PCDH15: variants seen among roughly 807,000 people sequenced by gnomAD.
PCDH15 encodes the protein protocadherin-15.
Under a neutral mutation model 178.5 loss-of-function variants are expected in PCDH15, and 129 were observed. The ratio of observed to expected loss-of-function variants is 0.72; its 90% confidence interval spans 0.63 to 0.84. The LOEUF is 0.84. Ranked by LOEUF, PCDH15 falls within the 40% of genes least tolerant of loss-of-function variation. The pLI is 0.00. For synonymous variants in PCDH15, 800 were observed against 732.0 expected (o/e 1.09, Z -1.50); for missense variants, 2,230 against 2,099.9 (o/e 1.06, Z -1.21).
At chr10:54,033,344 A>G (rs1911392) in intron 18 of PCDH15, among the ~76,000 whole-genome samples, 116,360 of 151,692 alleles carry the variant, frequency 0.77, 44,865 homozygotes, top group Middle Eastern at 0.86. Flanking sequence ...ATTTATGTAT[A>G]TATATTATCC....
intron 8 of PCDH15, among the ~76,000 whole-genome samples, chr10:54,278,463 T>G (rs2058473172): frequency 6.6e-6 from 1 of 151,640 alleles, no homozygotes; most frequent in Non-Finnish European, 1.5e-5. Flanking sequence ...TTTAAAGAAC[T>G]TCCTCCAAGT....
intron 2 of PCDH15, among the ~76,000 whole-genome samples, chr10:55,009,694 G>T (rs995452932): frequency 2.2e-4 from 33 of 152,128 alleles, no homozygotes; most frequent in Middle Eastern, 3.4e-3. Flanking sequence ...AAAAGAAATA[G>T]CTATATTACT....
At chr10:53,869,275 A>G (rs1264289106) in intron 26 of PCDH15, among the ~76,000 whole-genome samples, 1 of 152,176 alleles carries the variant, frequency 6.6e-6, no homozygotes, top group Non-Finnish European at 1.5e-5. Context: ...TGAACAAAGA[A>G]AGAAAAACAG....
At chr10:54,205,481 T>TTGTGTGTG (rs71461223) in intron 10 of PCDH15, among the ~76,000 whole-genome samples, 15,889 of 135,018 alleles carry the variant, frequency 0.12, 1,022 homozygotes, top group South Asian at 0.19. Flanking sequence ...TATATTTCCT[T>TTGTGTGTG]TGTGTGTGTG....
intron 1 of PCDH15, among the ~76,000 whole-genome samples, chr10:54,749,650 A>C (rs1945936732): frequency 6.6e-6 from 1 of 152,186 alleles, no homozygotes; most frequent in South Asian, 2.1e-4. Context: ...TTGAAAAAAG[A>C]AATACTCCAG....
intron 6 of PCDH15, among the ~76,000 whole-genome samples, chr10:54,341,423 G>T (rs1461489575): frequency 1.3e-5 from 2 of 152,118 alleles, no homozygotes; most frequent in Non-Finnish European, 1.5e-5. Context: ...TTCACCTTCT[G>T]CCATGATTGT....
At chr10:54,304,644 T>A (rs1179821563) in intron 8 of PCDH15, among the ~76,000 whole-genome samples, 1 of 152,214 alleles carries the variant, frequency 6.6e-6, no homozygotes, top group East Asian at 1.9e-4. Context: ...GTCACTGGAA[T>A]ATTTTAAGCA....
chr10:55,002,339 A>C, intron 2 of PCDH15, among the ~76,000 whole-genome samples: 1 of 152,342 alleles, frequency 6.6e-6, no homozygotes, highest in Admixed American at 6.5e-5. Flanking sequence ...CTGAATTTCC[A>C]AAAACAATAT....
chr10:53,898,272 T>C (rs1281469359), intron 26 of PCDH15, among the ~76,000 whole-genome samples: 1 of 152,142 alleles, frequency 6.6e-6, no homozygotes, highest in Non-Finnish European at 1.5e-5. Flanking sequence ...CGGCCCCATA[T>C]GGGTTGTTTC....
intron 28 of PCDH15, among the ~76,000 whole-genome samples, chr10:53,853,474 G>GA (rs1349055459): frequency 6.6e-6 from 1 of 152,058 alleles, no homozygotes; most frequent in Non-Finnish European, 1.5e-5. Context: ...TCATCAGGGT[G>GA]AAAAGGCAAC....
At position 54,195,843 on chromosome 10, in the gene PCDH15, T is replaced by C. The variant is rs2049564166; in HGVS notation, c.1145A>G (p.His382Arg). The C allele has an allele frequency of 1.1e-5, 17 of 1,613,946 alleles. No homozygotes were observed. The highest frequency in any genetic ancestry group is 1.4e-5 in the Non-Finnish European group (16 of 1,179,964). ...ATTGTTTTCATCCAGTATTTCAATG[T>C]GTAGACCGGCAAAGGCAGGAAGAGG... ...GHPLPAFAGL[H>R]IEILDENNQS... Residue 382 changes from histidine (H) to arginine (R), a missense_variant, in exon 11 of 38, where the codon CAC (histidine) becomes CGC (arginine). His to Arg is a conservative substitution (Grantham distance 29). Transcript: ENST00000644397.
intron 25 of PCDH15, among the ~76,000 whole-genome samples, chr10:53,925,208 ACACT>A (rs1459694548): frequency 6.6e-6 from 1 of 152,104 alleles, no homozygotes; most frequent in Non-Finnish European, 1.5e-5. Flanking sequence ...ATGAACTGTA[ACACT>A]CACCGCGAAG....
chr10:55,414,661 G>A (rs912906277), intron 2 of PCDH15, among the ~76,000 whole-genome samples: 3 of 151,232 alleles, frequency 2.0e-5, no homozygotes, highest in Non-Finnish European at 3.0e-5. Flanking sequence ...TTGTTTTACT[G>A]ATTTCATTTT....
chr10:55,609,622 G>T, intron 2 of PCDH15, among the ~76,000 whole-genome samples: 1 of 152,020 alleles, frequency 6.6e-6, no homozygotes, highest in East Asian at 1.9e-4. Flanking sequence ...TCAAGTTCAT[G>T]TACACTGTCC....
At chr10:55,028,348 A>C (rs1407953400) in intron 2 of PCDH15, among the ~76,000 whole-genome samples, 1 of 151,916 alleles carries the variant, frequency 6.6e-6, no homozygotes, top group Non-Finnish European at 1.5e-5. Context: ...AAAATTTCAA[A>C]GGATGAATGA....
chr10:55,312,969 G>A (rs1483889035), intron 1 of PCDH15, among the ~76,000 whole-genome samples: 3 of 152,106 alleles, frequency 2.0e-5, no homozygotes, highest in African/African-American at 2.4e-5. Flanking sequence ...GCTGTATTTA[G>A]CACAGAACTA....
At chr10:55,210,366 T>A (rs1335735596) in intron 1 of PCDH15, among the ~76,000 whole-genome samples, 6 of 151,906 alleles carry the variant, frequency 3.9e-5, no homozygotes, top group Non-Finnish European at 8.8e-5. Flanking sequence ...GTAAAATGAA[T>A]ACATATGTTA....
chr10:54,376,071 C>T (rs1935466), intron 4 of PCDH15, among the ~76,000 whole-genome samples: 126,320 of 150,590 alleles, frequency 0.84, 53,377 homozygotes, highest in East Asian at 0.99. Flanking sequence ...AAGTTTTGGA[C>T]TTTAGTACAG....
At chr10:54,892,305 A>T (rs1025545711) in intron 3 of PCDH15, among the ~76,000 whole-genome samples, 1 of 152,154 alleles carries the variant, frequency 6.6e-6, no homozygotes, top group Non-Finnish European at 1.5e-5. Context: ...TTCTCAGTAG[A>T]TCAAATATTT....
Sources: allele counts gnomAD v4.1 joint callset (sites outside exome capture counted in the v4.1 genomes callset), GRCh38; gene constraint gnomAD v4.1.1; transcripts MANE v1.5; gene names NCBI Gene and HGNC (gene_info 2026-07-23, HGNC 2026-07-21).